H2AZ2: variants seen among roughly 807,000 people sequenced by gnomAD.
H2AZ2 encodes the protein H2A.Z variant histone 2, also known as histone H2A.V.
In H2AZ2, 5 loss-of-function variants were observed where a neutral mutation model predicts 15.5. That is an observed-to-expected ratio of 0.32 (90% CI 0.17 to 0.68). The LOEUF (loss-of-function observed/expected upper bound fraction) is 0.68, where lower values mean the gene tolerates loss of function less well. H2AZ2 is among the 30% of genes least tolerant of loss of function. The probability of loss-of-function intolerance (pLI) is 0.72; values close to 1 mark genes in which losing one functional copy is unlikely to be tolerated. For missense variants in H2AZ2, 42 were observed against 162.5 expected, an observed-to-expected ratio of 0.26 and a Z score of 4.03; for synonymous variants, 44 against 57.4, an observed-to-expected ratio of 0.77 and a Z score of 1.05.
In H2AZ2 at chr7:44,848,085, C is replaced by A. The variant is rs1050437374; in HGVS notation, c.-114G>T. The A allele has an allele frequency of 3.6e-6, 2 of 553,684 alleles. No individual in the cohort carries two copies. Among genetic ancestry groups the A allele is most frequent in the Non-Finnish European group, 5.3e-6 (2 of 376,850 alleles). The allele number at this position is 553,684 out of a possible 1,614,324, so 34.3% of individuals were successfully genotyped here. The stretch of plus-strand genomic sequence containing the variant: ...CCGCCGCCGGAGCCGGACAATACCC[C>A]GTGCCCGCCTCGCGCTGCTGTGGCC... On this transcript the variant is annotated 5_prime_UTR_variant, in exon 1 of 5. Coordinates refer to ENST00000308153, the MANE Select transcript of H2AZ2 (RefSeq NM_012412.5).
intron 3 of H2AZ2, among the ~76,000 whole-genome samples, chr7:44,837,839 G>C (rs1026790244): frequency 5.9e-5 from 5 of 84,040 alleles, no homozygotes; most frequent in Admixed American, 2.1e-4. Context: ...AAAGGGGGGG[G>C]GGGCTTAGAT....
intron 4 of H2AZ2, chr7:44,835,283 C>T: frequency 2.3e-6 from 1 of 430,170 alleles, no homozygotes; most frequent in Non-Finnish European, 4.1e-6. Flanking sequence ...AAACATCAGG[C>T]TTTAAGTATC....
At chr7:44,846,062 C>CACACACACACACACACAGAGAGAGAGAG (rs57468916) in intron 1 of H2AZ2, among the ~76,000 whole-genome samples, 6 of 75,054 alleles carry the variant, frequency 8.0e-5, no homozygotes, top group Non-Finnish European at 3.2e-5. Flanking sequence ...CACACACACA[C>CACACACACACACACACAGAGAGAGAGAG]AGAGAGAGAC....
At chr7:44,847,720 G>A (rs900357924) in intron 1 of H2AZ2, among the ~76,000 whole-genome samples, 1 of 152,172 alleles carries the variant, frequency 6.6e-6, no homozygotes, top group Non-Finnish European at 1.5e-5. Flanking sequence ...CGTCACAAGC[G>A]TCGGGACAGA....
chr7:44,847,209 T>C (rs1793432346), intron 1 of H2AZ2, among the ~76,000 whole-genome samples: 1 of 152,226 alleles, frequency 6.6e-6, no homozygotes, highest in Non-Finnish European at 1.5e-5. Context: ...GCGTATCCTT[T>C]AGCACCTTCT....
intron 2 of H2AZ2, among the ~76,000 whole-genome samples, chr7:44,842,795 T>C (rs1027783404): frequency 2.0e-5 from 3 of 152,164 alleles, no homozygotes; most frequent in Non-Finnish European, 4.4e-5. Flanking sequence ...AAACTCTCAA[T>C]GGCTTACCAC....
downstream of H2AZ2, chr7:44,828,156 T>A (rs1227795776): frequency 6.6e-6 from 1 of 152,210 alleles, no homozygotes; most frequent in Non-Finnish European, 1.5e-5. Flanking sequence ...TATGGCTGTG[T>A]CTGAGATATA....
rs760844599 is a variant in H2AZ2 at position 44,847,975 on chromosome 7, C to G, written c.-4G>C. 6.9e-7 allele frequency: 1 copy of G among 1,458,464 alleles called. No individual in the cohort carries two copies. The highest frequency in any genetic ancestry group is 9.0e-7 in the Non-Finnish European group (1 of 1,108,322). The allele number at this position is 1,458,464 out of a possible 1,614,324, so 90.3% of individuals were successfully genotyped here. ...CCCACCCGGCCGCCCTTACCATGTT[C>G]TCGGCGCCGACTCCGCCTCCGCTCG... On this transcript the variant is annotated 5_prime_UTR_variant, in exon 1 of 5. Transcript: ENST00000308153.
Position 44,833,428 on chromosome 7 carries a change from G to C in H2AZ2, c.*1073C>G, listed in dbSNP as rs755620623. Among the ~76,000 whole-genome samples the C allele has an allele frequency of 1.3e-5, 2 of 152,046 alleles. No individual in the cohort carries two copies. Among genetic ancestry groups the C allele is most frequent in the Non-Finnish European group, 2.9e-5 (2 of 68,016 alleles). On this transcript the variant is annotated 3_prime_UTR_variant, in exon 5 of 5. Transcript: ENST00000308153. Reference sequence around the variant, plus strand: ...TTTGTATTTTTTTAAATAGAGACGGGGTTTCACCATGTTAGCCAGGATGGT... The same window carrying C: ...TTTGTATTTTTTTAAATAGAGACGGCGTTTCACCATGTTAGCCAGGATGGT...
intron 1 of H2AZ2, among the ~76,000 whole-genome samples, chr7:44,846,323 A>G (rs188307394): frequency 1.5e-4 from 23 of 152,292 alleles, no homozygotes; most frequent in African/African-American, 5.1e-4. Context: ...AAAATATCTG[A>G]AAAACTAGAA....
chr7:44,838,458 C>G (rs1272230095), intron 3 of H2AZ2, among the ~76,000 whole-genome samples: 4 of 151,988 alleles, frequency 2.6e-5, no homozygotes, highest in Non-Finnish European at 5.9e-5. Flanking sequence ...CGAGATCAGC[C>G]TGGCCAACAT....
At chr7:44,835,422 G>T (rs1363100676) in intron 4 of H2AZ2, 107 bp downstream of exon 4, 5 of 833,656 alleles carry the variant, frequency 6.0e-6, no homozygotes, top group Non-Finnish European at 8.9e-6. Context: ...TGAAATTAAA[G>T]TTTATATGCT....
intron 3 of H2AZ2, among the ~76,000 whole-genome samples, chr7:44,838,039 C>T (rs1298283259): frequency 6.6e-6 from 1 of 151,840 alleles, no homozygotes; most frequent in Non-Finnish European, 1.5e-5. Context: ...GGCGCGATCT[C>T]GGCTCGCTGC....
intron 3 of H2AZ2, among the ~76,000 whole-genome samples, chr7:44,838,529 G>T (rs146324800): frequency 4.0e-5 from 6 of 151,778 alleles, no homozygotes; most frequent in Non-Finnish European, 8.8e-5. Context: ...GATGCACACC[G>T]GTAGCCCCAG....
rs1394627153 is a variant in H2AZ2, at chr7:44,840,972, G to A, written c.122C>T (p.Thr41Ile). Residue 41 changes from threonine to isoleucine, a missense_variant, in exon 3 of 5, where the codon ACC becomes ATC. Coordinates refer to ENST00000308153, the MANE Select transcript of H2AZ2 (RefSeq NM_012412.5). ...GRIHRHLKTR[T>I]TSHGRVGATA... ...GGCACCCACCCTTCCATGGCTTGTG[G>A]TGCGAGTCTTCAAGTGTCTGTGGAT... The A allele has an allele frequency of 1.2e-6, 2 of 1,614,148 alleles. No homozygotes were observed. Among genetic ancestry groups the A allele is most frequent in the Non-Finnish European group, 1.7e-6 (2 of 1,180,026 alleles).
At chr7:44,847,679 C>G (rs1793446352) in intron 1 of H2AZ2, among the ~76,000 whole-genome samples, 1 of 152,208 alleles carries the variant, frequency 6.6e-6, no homozygotes, top group Admixed American at 6.5e-5. Flanking sequence ...CGGATTCTGC[C>G]GTCCTCCTCC....
At chr7:44,829,435 T>C (rs1792970166), downstream of H2AZ2, 2 of 152,082 alleles carry the variant, frequency 1.3e-5, no homozygotes, top group Non-Finnish European at 2.9e-5. Flanking sequence ...ACCCCACGTC[T>C]ACTAAAAATA....
downstream of H2AZ2, among the ~76,000 whole-genome samples, chr7:44,831,016 C>T (rs200996703): frequency 3.9e-5 from 6 of 152,014 alleles, no homozygotes; most frequent in East Asian, 1.2e-3. Flanking sequence ...AACAAACAAA[C>T]ATTAGCCAGG....
At position 44,846,024 on chromosome 7, in the gene H2AZ2, TACACACAC is replaced by T. The variant is rs10573522; in HGVS notation, c.3+1937_3+1944del. 1.0e-3 allele frequency among the ~76,000 whole-genome samples: 138 copies of T among 132,840 alleles called. 1 individual carries two copies. Among genetic ancestry groups the T allele is most frequent in the Middle Eastern group, 3.8e-3 (1 of 262 alleles). The allele number at this position is 132,840 out of a possible 152,430, so 87.1% of individuals were successfully genotyped here. ...GTTAAGGTTGTTGGTTTTAAAAAAT[TACACACAC>T]ACACACACACACACACACACACACA... On this transcript the variant is annotated intron_variant, in intron 1 of 4. Transcript: ENST00000308153.
Sources: allele counts gnomAD v4.1 joint callset (sites outside exome capture counted in the v4.1 genomes callset), GRCh38; gene constraint gnomAD v4.1.1; transcripts MANE v1.5; gene names NCBI Gene and HGNC (gene_info 2026-07-23, HGNC 2026-07-21).